The following LINGO2 variants were observed in gnomAD, a reference collection of about 807,000 sequenced individuals.
LINGO2 encodes the protein leucine rich repeat and Ig domain containing 2, also known as leucine-rich repeat and immunoglobulin-like domain-containing nogo receptor-interacting protein 2.
In LINGO2, 14 loss-of-function variants were observed where a neutral mutation model predicts 30.6. The ratio of observed to expected loss-of-function variants is 0.46; its 90% CI spans 0.30 to 0.72. LINGO2 has a LOEUF of 0.72. Among genes scored for constraint, LINGO2 ranks in the 30% least tolerant of loss-of-function variants. The probability of loss-of-function intolerance (pLI) is 0.07; values close to 1 mark genes in which losing one functional copy is unlikely to be tolerated. For synonymous variants in LINGO2, 317 were observed against 288.5 expected, an observed-to-expected ratio of 1.10 and a Z score of -1.00; for missense variants, 729 against 751.7, an observed-to-expected ratio of 0.97 and a Z score of 0.35.
intron 4 of LINGO2, among the ~76,000 whole-genome samples, chr9:28,077,296 G>A (rs1200465348): frequency 6.6e-6 from 1 of 152,072 alleles, no homozygotes; most frequent in Non-Finnish European, 1.5e-5. Flanking sequence ...AAGAGATAGA[G>A]TTTGTTGAGT....
intron 1 of LINGO2, among the ~76,000 whole-genome samples, chr9:28,576,018 T>A (rs1397075080): frequency 6.6e-6 from 1 of 152,120 alleles, no homozygotes; most frequent in East Asian, 1.9e-4. Flanking sequence ...AATGGGGTTA[T>A]GTACTGATAA....
intron 1 of LINGO2, among the ~76,000 whole-genome samples, chr9:28,665,777 G>A (rs922936381): frequency 6.6e-6 from 1 of 151,950 alleles, no homozygotes; most frequent in Non-Finnish European, 1.5e-5. Context: ...TATCATTCAG[G>A]CAATCATTCC....
the LINGO2 span, among the ~76,000 whole-genome samples, chr9:28,686,202 A>C: frequency 6.6e-6 from 1 of 152,188 alleles, no homozygotes; most frequent in South Asian, 2.1e-4. Flanking sequence ...ATAACTGATG[A>C]AGACATTCTA....
At chr9:28,880,915 C>T in the LINGO2 span, among the ~76,000 whole-genome samples, 2 of 152,110 alleles carry the variant, frequency 1.3e-5, no homozygotes, top group Admixed American at 1.3e-4. Flanking sequence ...AGCCATAGTA[C>T]CTTCCCTTGA....
the LINGO2 span, among the ~76,000 whole-genome samples, chr9:28,763,001 C>G: frequency 1.7e-3 from 259 of 152,182 alleles, 4 homozygotes; most frequent in African/African-American, 5.9e-3. Context: ...CATCCTTAAA[C>G]AGAAGATAAT....
In LINGO2 at chr9:28,129,945, C is replaced by T. The variant is rs1827339114; in HGVS notation, c.-86-117540G>A. Among the ~76,000 whole-genome samples, 1 of 152,200 alleles carries T rather than the reference C, an allele frequency of 6.6e-6. No individual in the cohort carries two copies. The highest frequency in any genetic ancestry group is 1.5e-5 in the Non-Finnish European group (1 of 68,034). The stretch of plus-strand genomic sequence containing the variant: ...GTGTTTTGAGCCAGAACATGTGAAT[C>T]TTTGTGGTATAACAACTTATGTTCC... On this transcript the variant is annotated intron_variant, in intron 4 of 5. Transcript: ENST00000379992. This position sits in a 1 kb window ranked among gnomAD's most constrained non-coding sequence, Gnocchi z 4.0.
the LINGO2 span, among the ~76,000 whole-genome samples, chr9:28,901,423 A>G: frequency 6.6e-6 from 1 of 152,130 alleles, no homozygotes; most frequent in African/African-American, 2.4e-5. Context: ...ATACTCTAAT[A>G]CTGTACTGTG....
intron 2 of LINGO2, among the ~76,000 whole-genome samples, chr9:28,386,997 G>A (rs543170107): frequency 6.6e-6 from 1 of 152,240 alleles, no homozygotes; most frequent in East Asian, 1.9e-4. Context: ...CCTAATATAG[G>A]TACCCAATTT....
At chr9:27,990,777 A>G (rs1461358589) in intron 5 of LINGO2, among the ~76,000 whole-genome samples, 1 of 152,084 alleles carries the variant, frequency 6.6e-6, no homozygotes, top group Non-Finnish European at 1.5e-5. Context: ...GATATACTAC[A>G]TCATCTCTGC....
chr9:28,801,300 T>G, the LINGO2 span, among the ~76,000 whole-genome samples: 5 of 152,168 alleles, frequency 3.3e-5, no homozygotes, highest in South Asian at 4.1e-4. Flanking sequence ...CTGGACAGTT[T>G]TTGATGATCT....
At chr9:28,789,459 C>A in the LINGO2 span, among the ~76,000 whole-genome samples, 3 of 152,106 alleles carry the variant, frequency 2.0e-5, no homozygotes, top group African/African-American at 7.2e-5. Context: ...AGCTTGGACT[C>A]CCTCTTTTCA....
At chr9:28,013,401 G>C (rs1362877377) in intron 4 of LINGO2, among the ~76,000 whole-genome samples, 3 of 152,212 alleles carry the variant, frequency 2.0e-5, no homozygotes, top group African/African-American at 7.2e-5. Flanking sequence ...CTGCTTATCT[G>C]CTGTACTCAG....
At chr9:28,187,900 C>T (rs1819599975) in intron 4 of LINGO2, among the ~76,000 whole-genome samples, 1 of 152,036 alleles carries the variant, frequency 6.6e-6, no homozygotes, top group Non-Finnish European at 1.5e-5. Flanking sequence ...CCTCAGAGCC[C>T]CTAATAACTA....
the LINGO2 span, among the ~76,000 whole-genome samples, chr9:29,075,817 C>T: frequency 3.9e-5 from 6 of 152,140 alleles, no homozygotes; most frequent in African/African-American, 1.2e-4. Context: ...AAGCTCCTTA[C>T]ATCAAAATCT....
the LINGO2 span, among the ~76,000 whole-genome samples, chr9:28,795,977 A>C: frequency 1.0e-5 from 1 of 97,546 alleles, no homozygotes; most frequent in Admixed American, 1.1e-4. Flanking sequence ...TATGGCCAGT[A>C]CTAGATACAC....
intron 1 of LINGO2, among the ~76,000 whole-genome samples, chr9:28,479,845 C>CTCTGTG (rs1554725754): frequency 1.7e-5 from 1 of 60,148 alleles, no homozygotes; most frequent in Non-Finnish European, 3.5e-5. Context: ...ACCATGTCAT[C>CTCTGTG]TGTGTGTGTG....
the LINGO2 span, among the ~76,000 whole-genome samples, chr9:28,955,592 T>C: frequency 6.6e-6 from 1 of 152,068 alleles, no homozygotes; most frequent in Non-Finnish European, 1.5e-5. Context: ...ATCTTCCAGG[T>C]TGACATAATT....
chr9:29,139,994 A>G, the LINGO2 span, among the ~76,000 whole-genome samples: 1 of 152,128 alleles, frequency 6.6e-6, no homozygotes, highest in South Asian at 2.1e-4. Flanking sequence ...AAAAATCTCT[A>G]TTGAAATTTA....
the LINGO2 span, among the ~76,000 whole-genome samples, chr9:28,771,785 A>C: frequency 0.069 from 10,424 of 152,144 alleles, 1,186 homozygotes; most frequent in African/African-American, 0.23. Context: ...TATTATTATC[A>C]TTACTATTAG....
Sources: allele counts gnomAD v4.1 joint callset (sites outside exome capture counted in the v4.1 genomes callset), GRCh38; gene constraint gnomAD v4.1.1; non-coding constraint Gnocchi (gnomAD v3.1); transcripts MANE v1.5; gene names NCBI Gene and HGNC (gene_info 2026-07-23, HGNC 2026-07-21).